Variants in PTAR1 observed in about 807,000 individuals in gnomAD.
The protein encoded by PTAR1 is protein prenyltransferase alpha subunit repeat-containing protein 1.
A neutral mutation model predicts 45.5 loss-of-function variants in PTAR1; 17 were observed. The observed-to-expected ratio is 0.37, with a 90% CI of 0.26 to 0.56. The LOEUF is 0.56. Among genes scored for constraint, PTAR1 ranks in the 20% least tolerant of loss-of-function variants. The probability of loss-of-function intolerance (pLI) is 0.77; values close to 1 mark genes in which losing one functional copy is unlikely to be tolerated. For missense variants in PTAR1, 391 were observed against 476.3 expected (o/e 0.82, Z 1.67); for synonymous variants, 169 against 171.3 (o/e 0.99, Z 0.11).
rs1454074217 is a variant in PTAR1 at position 69,714,706 on chromosome 9, T to C, written c.*3636A>G. 1 of 152,106 alleles carries C rather than the reference T, an allele frequency of 6.6e-6. No homozygotes were observed. Among genetic ancestry groups the C allele is most frequent in the East Asian group, 1.9e-4 (1 of 5,200 alleles). 9.4% of individuals were successfully genotyped at this position (152,106 alleles called of 1,614,324 possible). ...TTTAAGTACTTTTAGAGATAACCTG[T>C]ATATATTTAACCCTACTAATAATTA... On this transcript the variant is annotated 3_prime_UTR_variant, in exon 8 of 8. Coordinates refer to ENST00000340434, the MANE Select transcript of PTAR1 (RefSeq NM_001099666.2).
chr9:69,726,467 CTAAT>C (rs1825283511), intron 5 of PTAR1, among the ~76,000 whole-genome samples: 1 of 151,892 alleles, frequency 6.6e-6, no homozygotes, highest in Non-Finnish European at 1.5e-5. Context: ...ATGTACATAT[CTAAT>C]TATTTAGGAG....
chr9:69,727,169 T>C (rs1323391033), intron 5 of PTAR1, among the ~76,000 whole-genome samples: 1 of 152,134 alleles, frequency 6.6e-6, no homozygotes, highest in Non-Finnish European at 1.5e-5. Flanking sequence ...AAGTATTTTA[T>C]TTTTTGTGGT....
intron 3 of PTAR1, among the ~76,000 whole-genome samples, chr9:69,740,858 G>A (rs2134135830): frequency 6.6e-6 from 1 of 152,076 alleles, no homozygotes; most frequent in East Asian, 1.9e-4. Flanking sequence ...TTAAACACAA[G>A]TATAAATATA....
chr9:69,759,708 C>G, intron 1 of PTAR1, 145 bp downstream of exon 1: 2 of 758,040 alleles, frequency 2.6e-6, no homozygotes, highest in Non-Finnish European at 3.9e-6. Flanking sequence ...ACAACGGTCC[C>G]GCCCGACACG....
chr9:69,736,561 A>G (rs892806556), intron 3 of PTAR1, among the ~76,000 whole-genome samples: 21 of 152,184 alleles, frequency 1.4e-4, no homozygotes, highest in African/African-American at 5.1e-4. Context: ...AAAGTTTAAA[A>G]AACAACTACT....
In PTAR1 at chr9:69,711,446, T is replaced by C. The variant is rs141263707; in HGVS notation, c.*6896A>G. On this transcript the variant is annotated 3_prime_UTR_variant, in exon 8 of 8. Transcript: ENST00000340434. The stretch of plus-strand genomic sequence containing the variant: ...ACAAATTAACAGATGCTGAGACTAC[T>C]GTATCATTCACAAAAAGTTCTTCCT... The C allele has an allele frequency of 3.3e-5, 5 of 152,232 alleles. No homozygotes were observed. The highest frequency in any genetic ancestry group is 1.2e-4 in the African/African-American group (5 of 41,466). The allele number at this position is 152,232 out of a possible 1,614,324, so 9.4% of individuals were successfully genotyped here. A position where few individuals can be genotyped will look rare whatever the true frequency, so the allele number is the denominator to read the frequency against.
At chr9:69,735,737 G>A (rs536856109) in intron 3 of PTAR1, among the ~76,000 whole-genome samples, 15 of 151,912 alleles carry the variant, frequency 9.9e-5, no homozygotes, top group Admixed American at 2.0e-4. Flanking sequence ...CCTGTGTAGG[G>A]CTGATTATTC....
In PTAR1 at chr9:69,713,574, T is replaced by G. The variant is rs1333027184; in HGVS notation, c.*4768A>C. 6.6e-6 allele frequency: 1 copy of G among 152,100 alleles called. No homozygotes were observed. Among genetic ancestry groups the G allele is most frequent in the South Asian group, 2.1e-4 (1 of 4,832 alleles). The allele number at this position is 152,100 out of a possible 1,614,324, so 9.4% of individuals were successfully genotyped here. A position where few individuals can be genotyped will look rare whatever the true frequency, so the allele number is the denominator to read the frequency against. On this transcript the variant is annotated 3_prime_UTR_variant, in exon 8 of 8. Coordinates refer to ENST00000340434, the MANE Select transcript of PTAR1 (RefSeq NM_001099666.2). Reference sequence around the variant, plus strand: ...CAAGTACTGTTTTCCCCCTTTCAACTATATTACATTATGCCTGAATTTGAG... The same window carrying G: ...CAAGTACTGTTTTCCCCCTTTCAACGATATTACATTATGCCTGAATTTGAG...
chr9:69,753,653 C>G (rs1826633563), intron 1 of PTAR1, among the ~76,000 whole-genome samples: 1 of 152,088 alleles, frequency 6.6e-6, no homozygotes, highest in Non-Finnish European at 1.5e-5. Flanking sequence ...AATTTTATGA[C>G]TGAGAAACCT....
chr9:69,710,508 A>T lies in PTAR1; in HGVS notation c.*7834T>A, dbSNP rs1824484943. On this transcript the variant is annotated 3_prime_UTR_variant, in exon 8 of 8. Coordinates refer to ENST00000340434, the MANE Select transcript of PTAR1 (RefSeq NM_001099666.2). Reference sequence around the variant, plus strand: ...CCTTAGAATTTAGCATCATACTTTTAAGCACTCTGGGGTACTAACTTGAAC... The same window carrying T: ...CCTTAGAATTTAGCATCATACTTTTTAGCACTCTGGGGTACTAACTTGAAC... 2.0e-5 allele frequency: 3 copies of T among 152,234 alleles called. No individual in the cohort carries two copies. The South Asian group carries it at 6.2e-4, about 32-fold the overall frequency. The allele number at this position is 152,234 out of a possible 1,614,324, so 9.4% of individuals were successfully genotyped here. A position where few individuals can be genotyped will look rare whatever the true frequency, so the allele number is the denominator to read the frequency against.
chr9:69,748,184 A>G (rs1364714559), intron 2 of PTAR1, among the ~76,000 whole-genome samples: 1 of 152,056 alleles, frequency 6.6e-6, no homozygotes, highest in Non-Finnish European at 1.5e-5. Flanking sequence ...TTAAAGAGAG[A>G]GCTCAGATAT....
At chr9:69,726,261 G>A (rs79809680) in intron 5 of PTAR1, among the ~76,000 whole-genome samples, 2,719 of 152,142 alleles carry the variant, frequency 0.018, 86 homozygotes, top group African/African-American at 0.062. Context: ...CATGCACAGA[G>A]TTTATTTTTA....
chr9:69,719,063 T>C (rs952323614), intron 6 of PTAR1, among the ~76,000 whole-genome samples: 1 of 152,178 alleles, frequency 6.6e-6, no homozygotes, highest in Admixed American at 6.5e-5. Context: ...ACAAATCTCA[T>C]TGATATCCTA....
At chr9:69,758,523 ACT>A (rs1216480114) in intron 1 of PTAR1, 1 of 172,160 alleles carries the variant, frequency 5.8e-6, no homozygotes, top group Non-Finnish European at 1.3e-5. Flanking sequence ...CATTCCAAAC[ACT>A]CTCATTTTGA....
In PTAR1 at chr9:69,714,605, T is replaced by C. The variant is rs1234963838; in HGVS notation, c.*3737A>G. The C allele has an allele frequency of 6.6e-6, 1 of 152,162 alleles. No individual in the cohort carries two copies. The highest frequency in any genetic ancestry group is 2.4e-5 in the African/African-American group (1 of 41,448). The allele number at this position is 152,162 out of a possible 1,614,324, so 9.4% of individuals were successfully genotyped here. A position where few individuals can be genotyped will look rare whatever the true frequency, so the allele number is the denominator to read the frequency against. On this transcript the variant is annotated 3_prime_UTR_variant, in exon 8 of 8. Coordinates refer to ENST00000340434, the MANE Select transcript of PTAR1 (RefSeq NM_001099666.2). The stretch of plus-strand genomic sequence containing the variant: ...GCATACGATCTACTATGTATTTGCT[T>C]TCCTGCAAACTACTGCATAAAAATC...
At chr9:69,752,740 CA>C (rs1199717810) in intron 1 of PTAR1, among the ~76,000 whole-genome samples, 3 of 151,950 alleles carry the variant, frequency 2.0e-5, no homozygotes, top group Non-Finnish European at 2.9e-5. Flanking sequence ...ATAATATAAA[CA>C]AAGTCCTGTA....
intron 1 of PTAR1, among the ~76,000 whole-genome samples, chr9:69,755,321 C>T (rs573908123): frequency 3.3e-5 from 5 of 152,254 alleles, no homozygotes; most frequent in African/African-American, 1.2e-4. Context: ...TCTTTGAGCG[C>T]CTCACTTCAC....
rs569175623 is a variant in PTAR1 at position 69,743,414 on chromosome 9, TA to T, written c.257-1557del. On this transcript the variant is annotated intron_variant, in intron 2 of 7. Coordinates refer to ENST00000340434, the MANE Select transcript of PTAR1 (RefSeq NM_001099666.2). ...CACATAAACACATCCAATAGTCATT[TA>T]AAAATATTCTAGCTAACAATAAAAT... 2.6e-5 allele frequency among the ~76,000 whole-genome samples: 4 copies of T among 152,288 alleles called. No individual in the cohort carries two copies. The East Asian group carries it at 7.7e-4, about 29-fold the overall frequency.
chr9:69,742,349 C>A (rs1408558519), intron 2 of PTAR1, among the ~76,000 whole-genome samples: 1 of 152,066 alleles, frequency 6.6e-6, no homozygotes, highest in African/African-American at 2.4e-5. Context: ...ATAGGTATAG[C>A]AATGATAAAT....
Sources: gnomAD v4.1 joint callset for allele counts (sites outside exome capture counted in the v4.1 genomes callset) on GRCh38, gnomAD v4.1.1 for gene constraint, MANE v1.5 for transcripts, NCBI Gene and HGNC (gene_info 2026-07-23, HGNC 2026-07-21) for gene names.